The following MBOAT7 variants were observed in gnomAD, a reference collection of about 807,000 sequenced individuals.
MBOAT7 encodes membrane-bound acylglycerophosphatidylinositol O-acyltransferase MBOAT7.
A neutral mutation model predicts 47.4 loss-of-function variants in MBOAT7; 40 were observed. The ratio of observed to expected loss-of-function variants is 0.84; its 90% CI spans 0.66 to 1.10. The LOEUF (loss-of-function observed/expected upper bound fraction) is 1.10. Among genes scored for constraint, MBOAT7 ranks in the 50% least tolerant of loss-of-function variants. The pLI is 0.00. For synonymous variants in MBOAT7, 361 were observed against 292.0 expected (o/e 1.24, Z -2.41); for missense variants, 680 against 655.6 (o/e 1.04, Z -0.41).
In MBOAT7 at chr19:54,174,353, C is replaced by A; in HGVS notation, c.1110G>T (p.Pro370=). 1 of 1,612,246 alleles carries A rather than the reference C, an allele frequency of 6.2e-7. No homozygotes were observed. The highest frequency in any genetic ancestry group is 1.1e-5 in the South Asian group (1 of 90,890). Reference sequence around the variant, plus strand: ...GCCGGCCCTCGGCAGCCAGGCACAGCGGGATGGTCAGGAAGCTCAGGTAGT... The same window carrying A: ...GCCGGCCCTCGGCAGCCAGGCACAGAGGGATGGTCAGGAAGCTCAGGTAGT... ...PGYYLSFLTI[P]LCLAAEGRLE... Residue 370 remains proline, a synonymous_variant, in exon 8 of 8, where the codon CCG becomes CCT. Coordinates refer to ENST00000245615, the MANE Select transcript of MBOAT7 (RefSeq NM_024298.5).
chr19:54,188,132 C>T, intron 3 of MBOAT7, 85 bp downstream of exon 3: 2 of 1,378,364 alleles, frequency 1.5e-6, no homozygotes, highest in East Asian at 2.4e-5. Flanking sequence ...AGACATGAGG[C>T]AGAAGCTGAA....
chr19:54,175,694 C>A (rs539068220), intron 7 of MBOAT7, among the ~76,000 whole-genome samples: 14 of 152,056 alleles, frequency 9.2e-5, no homozygotes, highest in African/African-American at 3.1e-4. Context: ...GGATTACAGG[C>A]AAGCGCCACC....
At chr19:54,187,418 G>A (rs2076459815) in intron 3 of MBOAT7, 131 bp from the exon 4 acceptor site, 4 of 1,146,130 alleles carry the variant, frequency 3.5e-6, no homozygotes, top group Admixed American at 2.9e-5. Context: ...CAGAAGGGCA[G>A]AGAGGACAGG....
rs34639367 is a variant in MBOAT7, at chr19:54,182,513, T to TCC, written c.493+1007_493+1008insGG. ...TGTATGTTTTGTGTTTTGTTTTTTT[T>TCC]CAGGAAATTAAAGAAGCCAAGAGTT... On this transcript the variant is annotated intron_variant, in intron 5 of 7. Transcript: ENST00000245615. Among the ~76,000 whole-genome samples, 9 of 148,242 alleles carry TCC rather than the reference T, an allele frequency of 6.1e-5. No homozygotes were observed. The South Asian group carries it at 1.7e-3, about 28-fold the overall frequency.
chr19:54,178,939 G>C lies in MBOAT7; in HGVS notation c.857C>G (p.Pro286Arg), dbSNP rs757489929. 3.1e-6 allele frequency: 5 copies of C among 1,612,552 alleles called. No homozygotes were observed. In the South Asian group the frequency reaches 4.4e-5, roughly 14 times the overall value. Reference protein sequence around the residue: ...PTLQCPPPSSPEKAASLEYDY... With the variant: ...PTLQCPPPSSREKAASLEYDY... ...ATACTCCAAGGAAGCCGCCTTCTCC[G>C]GACTGGGGGGTGGAGGATGAGGGTG... Residue 286 changes from proline (P) to arginine (R), a missense_variant and splice_region_variant, in exon 7 of 8, where the codon CCG (proline) becomes CGG (arginine). Transcript: ENST00000245615.
intron 6 of MBOAT7, 130 bp from the exon 7 acceptor site, chr19:54,179,071 A>C: frequency 2.3e-6 from 3 of 1,319,962 alleles, no homozygotes; most frequent in Admixed American, 2.3e-5. Flanking sequence ...TCTGGCTGTC[A>C]GACTTGCTAG....
intron 7 of MBOAT7, 58 bp downstream of exon 7, chr19:54,178,707 G>T: frequency 6.3e-7 from 1 of 1,589,626 alleles, no homozygotes; most frequent in South Asian, 1.1e-5. Context: ...GGCTACCCTG[G>T]GGCCTGCTGG....
intron 7 of MBOAT7, among the ~76,000 whole-genome samples, chr19:54,175,441 C>T (rs1222818424): frequency 6.6e-6 from 1 of 152,128 alleles, no homozygotes; most frequent in Non-Finnish European, 1.5e-5. Context: ...GACTCTGATG[C>T]CTGTTAACAT....
rs1353113910 is a variant in MBOAT7 at position 54,187,179 on chromosome 19, C to T, written c.315G>A (p.Gln105=). 5.7e-6 allele frequency: 9 copies of T among 1,579,656 alleles called. No homozygotes were observed. Among genetic ancestry groups the T allele is most frequent in the Middle Eastern group, 1.7e-4 (1 of 5,972 alleles). The change falls in exon 4 of 8, where the codon CAG becomes CAA. Residue 105 remains glutamine, a synonymous_variant. Transcript: ENST00000245615. ...GTCTGACCTTCAGCGTCAGCAGCAG[C>T]TGGACGGCATTGGTGAAGGGCGTGG... is the stretch of plus-strand genomic sequence containing the variant. ...PTPTPFTNAV[Q]LLLTLKLVSL...
At chr19:54,187,831 C>T (rs2076472474) in intron 3 of MBOAT7, among the ~76,000 whole-genome samples, 1 of 152,064 alleles carries the variant, frequency 6.6e-6, no homozygotes, top group African/African-American at 2.4e-5. Flanking sequence ...GCCTGACCAA[C>T]ATGGAGAAAC....
At chr19:54,183,817 G>A (rs1203360268) in intron 4 of MBOAT7, 137 bp from the exon 5 acceptor site, 8 of 825,488 alleles carry the variant, frequency 9.7e-6, no homozygotes, top group African/African-American at 3.6e-5. Context: ...TGTGTGTAAC[G>A]CCTCTAGCTG....
At chr19:54,184,731 T>C (rs1386610791) in intron 4 of MBOAT7, among the ~76,000 whole-genome samples, 1 of 151,712 alleles carries the variant, frequency 6.6e-6, no homozygotes, top group Non-Finnish European at 1.5e-5. Context: ...GGAAAAACCC[T>C]GTCTCTACTA....
Position 54,173,916 on chromosome 19 carries a change from T to G in MBOAT7, c.*128A>C. 1.7e-6 allele frequency: 2 copies of G among 1,175,082 alleles called. No homozygotes were observed. The highest frequency in any genetic ancestry group is 1.2e-6 in the Non-Finnish European group (1 of 867,066). The allele number at this position is 1,175,082 out of a possible 1,614,324, so 72.8% of individuals were successfully genotyped here. A position where few individuals can be genotyped will look rare whatever the true frequency, so the allele number is the denominator to read the frequency against. On this transcript the variant is annotated 3_prime_UTR_variant, in exon 8 of 8. Coordinates refer to ENST00000245615, the MANE Select transcript of MBOAT7 (RefSeq NM_024298.5). ...GGGTCTGCTTCAGTTGCAGGCAGGG[T>G]ATTTAGCTGGGGAAGAGGAAATTCT...
At position 54,179,345 on chromosome 19, in the gene MBOAT7, C is replaced by G. The variant is rs2076204313; in HGVS notation, c.855-404G>C. On this transcript the variant is annotated intron_variant, in intron 6 of 7. Transcript: ENST00000245615. The stretch of plus-strand genomic sequence containing the variant: ...GCCAGGGAAGTTGTGGTTATCATCC[C>G]TAATAACAAGGTGCTTCACGGTTGC... 4 of 228,420 alleles carry G rather than the reference C, an allele frequency of 1.8e-5. No individual in the cohort carries two copies. In the South Asian group the frequency reaches 4.3e-4, roughly 24 times the overall value. 14.1% of individuals were successfully genotyped at this position (228,420 alleles called of 1,614,324 possible). A position where few individuals can be genotyped will look rare whatever the true frequency, so the allele number is the denominator to read the frequency against.
intron 7 of MBOAT7, chr19:54,178,342 T>C: frequency 9.3e-7 from 1 of 1,071,662 alleles, no homozygotes; most frequent in Non-Finnish European, 1.1e-6. Context: ...TCACATTAAA[T>C]ACATTTCACA....
chr19:54,185,924 A>G (rs991232311), intron 4 of MBOAT7, among the ~76,000 whole-genome samples: 1 of 151,938 alleles, frequency 6.6e-6, no homozygotes, highest in Non-Finnish European at 1.5e-5. Flanking sequence ...TCAAACTCCT[A>G]ACCTCAGGTG....
Position 54,180,763 on chromosome 19 carries a change from G to A in MBOAT7, c.854+10C>T, listed in dbSNP as rs574739585. The A allele has an allele frequency of 3.6e-4, 547 of 1,504,804 alleles. 9 individuals carry two copies. The South Asian group carries it at 6.7e-3, about 18-fold the overall frequency. 93.2% of individuals were successfully genotyped at this position (1,504,804 alleles called of 1,614,324 possible). On this transcript the variant is annotated intron_variant, in intron 6 of 7. Transcript: ENST00000245615. This position sits in a 1 kb window ranked among gnomAD's most constrained non-coding sequence, Gnocchi z 5.2. ...CTGGGTCTTGGGAAGCCTCCCTCGC[G>A]CCGCCTGACCTGCTGGGGGGTGGGC...
Position 54,174,103 on chromosome 19 carries a change from G to T in MBOAT7, c.1360C>A (p.Arg454=), listed in dbSNP as rs765063268. Residue 454 remains arginine, a synonymous_variant, in exon 8 of 8, where the codon CGG becomes AGG. Transcript: ENST00000245615. ...GLALGGGSPS[R]RKAASQPTSL... is the part of the protein sequence containing the mutation. ...GTGGGCTGGGATGCTGCCTTCCGCCGGCTGGGGCTGCCCCCACCTAAAGCC... is the reference window on the plus strand; with the variant it reads ...GTGGGCTGGGATGCTGCCTTCCGCCTGCTGGGGCTGCCCCCACCTAAAGCC... 1 of 1,606,878 alleles carries T rather than the reference G, an allele frequency of 6.2e-7. No homozygotes were observed. Among genetic ancestry groups the T allele is most frequent in the Non-Finnish European group, 8.5e-7 (1 of 1,177,182 alleles).
At chr19:54,186,745 C>T (rs2076437899) in intron 4 of MBOAT7, among the ~76,000 whole-genome samples, 1 of 152,168 alleles carries the variant, frequency 6.6e-6, no homozygotes, top group Non-Finnish European at 1.5e-5. Flanking sequence ...CTGTTTTTAC[C>T]CCTCTTCCCA....
Sources: gnomAD v4.1 joint callset for allele counts (sites outside exome capture counted in the v4.1 genomes callset) on GRCh38, gnomAD v4.1.1 for gene constraint, Gnocchi (gnomAD v3.1) non-coding constraint, MANE v1.5 for transcripts, NCBI Gene and HGNC (gene_info 2026-07-23, HGNC 2026-07-21) for gene names.